ELAVL1: variants seen among roughly 807,000 people sequenced by gnomAD.
ELAVL1 encodes ELAV-like protein 1.
Under a neutral mutation model 28.4 loss-of-function variants are expected in ELAVL1, and 1 was observed. The observed-to-expected ratio is 0.04, with a 90% CI of 0.01 to 0.17. The LOEUF (loss-of-function observed/expected upper bound fraction) is 0.17. ELAVL1 is among the 10% of genes least tolerant of loss of function. The pLI, the probability that ELAVL1 is intolerant of heterozygous loss-of-function variation, is 1.00. For missense variants in ELAVL1, 157 were observed against 447.2 expected, an observed-to-expected ratio of 0.35 and a Z score of 5.85; for synonymous variants, 174 against 183.5, an observed-to-expected ratio of 0.95 and a Z score of 0.42.
chr19:8,001,979 C>T (rs1017350629), intron 1 of ELAVL1: 5 of 1,220,278 alleles, frequency 4.1e-6, no homozygotes, highest in South Asian at 2.5e-5. Context: ...ACTGGTTTCT[C>T]CTTGTCTCCC....
intron 2 of ELAVL1, among the ~76,000 whole-genome samples, chr19:7,987,835 G>A (rs951193064): frequency 4.5e-4 from 68 of 152,220 alleles, no homozygotes; most frequent in African/African-American, 1.6e-3. Context: ...ACCCCACAGT[G>A]CAGGTCGGCC....
At chr19:7,975,422 A>T (rs926277427) in intron 3 of ELAVL1, among the ~76,000 whole-genome samples, 4 of 152,208 alleles carry the variant, frequency 2.6e-5, no homozygotes, top group African/African-American at 9.6e-5. Flanking sequence ...GTCTCCAAGG[A>T]CCATGGGAAC....
intron 4 of ELAVL1, among the ~76,000 whole-genome samples, chr19:7,971,162 T>A (rs567504464): frequency 6.8e-4 from 103 of 152,296 alleles, no homozygotes; most frequent in African/African-American, 2.3e-3. Flanking sequence ...GGAGACACTA[T>A]CTTGCAGAGG....
chr19:7,985,634 C>T (rs1024748245), intron 2 of ELAVL1, among the ~76,000 whole-genome samples: 35 of 152,116 alleles, frequency 2.3e-4, no homozygotes, highest in Non-Finnish European at 4.4e-4. Context: ...CTGCACAGGC[C>T]GTGGTGGGCC....
intron 2 of ELAVL1, among the ~76,000 whole-genome samples, chr19:7,983,666 C>T (rs1236102595): frequency 3.3e-5 from 5 of 152,186 alleles, no homozygotes; most frequent in East Asian, 1.9e-4. Flanking sequence ...TTGGCTGCGG[C>T]GCCTCAGGCA....
At chr19:8,001,604 C>A (rs1352435374) in intron 1 of ELAVL1, among the ~76,000 whole-genome samples, 1 of 152,036 alleles carries the variant, frequency 6.6e-6, no homozygotes, top group African/African-American at 2.4e-5. Flanking sequence ...GATTCCTTCC[C>A]CTGACATAAA....
In ELAVL1 at chr19:7,981,002, G is replaced by T; in HGVS notation, c.276+81C>A. 1 of 1,408,710 alleles carries T rather than the reference G, an allele frequency of 7.1e-7. No homozygotes were observed. The highest frequency in any genetic ancestry group is 1.0e-6 in the Non-Finnish European group (1 of 996,164). The allele number at this position is 1,408,710 out of a possible 1,614,324, so 87.3% of individuals were successfully genotyped here. ...GGCTGTGCTCATAGTCCCTTGGAGA[G>T]TGACTGTGAGGCTGGGCGGGGCTCA... On this transcript the variant is annotated intron_variant, in intron 3 of 5. Coordinates refer to ENST00000407627, the MANE Select transcript of ELAVL1 (RefSeq NM_001419.3). The surrounding 1 kb of genome is among the most constrained non-coding windows in gnomAD (Gnocchi z 4.2).
In ELAVL1 at chr19:7,988,585, G is replaced by C. The variant is rs151084451; in HGVS notation, c.172+3059C>G. Among the ~76,000 whole-genome samples, 4 of 152,310 alleles carry C rather than the reference G, an allele frequency of 2.6e-5. No individual in the cohort carries two copies. The East Asian group carries it at 7.7e-4, about 29-fold the overall frequency. On this transcript the variant is annotated intron_variant, in intron 2 of 5. Coordinates refer to ENST00000407627, the MANE Select transcript of ELAVL1 (RefSeq NM_001419.3). The stretch of plus-strand genomic sequence containing the variant: ...GGAGACAGGGAACAGGACAGTATGT[G>C]GGTGGGAGGCCAACACACACAGCAG...
intron 4 of ELAVL1, chr19:7,972,994 G>GTAAC (rs1171121529): frequency 6.6e-6 from 1 of 150,768 alleles, no homozygotes; most frequent in African/African-American, 2.4e-5. Flanking sequence ...TGTATTTTTA[G>GTAAC]TAGAGATGGG....
At chr19:7,989,318 C>T (rs1056570695) in intron 2 of ELAVL1, among the ~76,000 whole-genome samples, 1 of 152,194 alleles carries the variant, frequency 6.6e-6, no homozygotes. Flanking sequence ...AAGATGAAAG[C>T]CCAGGCCCAG....
intron 1 of ELAVL1, among the ~76,000 whole-genome samples, chr19:8,005,285 G>A (rs143262415): frequency 0.16 from 24,541 of 151,156 alleles, 2,264 homozygotes; most frequent in Non-Finnish European, 0.21. Context: ...GGCGCCAGAG[G>A]AATCCGGCCC....
In ELAVL1 at chr19:7,958,716, C is replaced by G. The variant is rs761316192; in HGVS notation, c.*4767G>C. On this transcript the variant is annotated 3_prime_UTR_variant, in exon 6 of 6. Coordinates refer to ENST00000407627, the MANE Select transcript of ELAVL1 (RefSeq NM_001419.3). ...GTCGTTGGAACTGTAAGCCACGCCC[C>G]AAACCGCATCACTCCGTACTTCAAA... 3.3e-5 allele frequency: 5 copies of G among 152,392 alleles called. No homozygotes were observed. The highest frequency in any genetic ancestry group is 6.5e-5 in the Admixed American group (1 of 15,282). The allele number at this position is 152,392 out of a possible 1,614,324, so 9.4% of individuals were successfully genotyped here. A position where few individuals can be genotyped will look rare whatever the true frequency, so the allele number is the denominator to read the frequency against.
intron 2 of ELAVL1, among the ~76,000 whole-genome samples, chr19:7,985,035 T>C (rs1272252414): frequency 6.6e-6 from 1 of 152,160 alleles, no homozygotes; most frequent in Non-Finnish European, 1.5e-5. Context: ...TGCTCCCACC[T>C]CAGCCCCCCA....
chr19:7,990,289 T>C lies in ELAVL1; in HGVS notation c.172+1355A>G, dbSNP rs192924768. On this transcript the variant is annotated intron_variant, in intron 2 of 5. Transcript: ENST00000407627. ...TGCCTGCCTTGACCTCCCAAAGTGC[T>C]GGGATTATAGGCATGAGCCACCGTG... Among the ~76,000 whole-genome samples, 37 of 152,076 alleles carry C rather than the reference T, an allele frequency of 2.4e-4. No homozygotes were observed. The East Asian group carries it at 6.6e-3, about 27-fold the overall frequency.
intron 2 of ELAVL1, among the ~76,000 whole-genome samples, chr19:7,984,710 T>A (rs576116973): frequency 1.3e-5 from 2 of 152,208 alleles, no homozygotes; most frequent in Non-Finnish European, 2.9e-5. Context: ...CTCTCTGTGG[T>A]AGGTGCCTGG....
chr19:7,972,237 C>T (rs929701237), intron 4 of ELAVL1, among the ~76,000 whole-genome samples: 5 of 152,204 alleles, frequency 3.3e-5, no homozygotes, highest in East Asian at 1.9e-4. Context: ...CAGGGTGGCC[C>T]GAGCTCCCTG....
chr19:7,977,389 C>T (rs1985329589), intron 3 of ELAVL1, among the ~76,000 whole-genome samples: 1 of 152,154 alleles, frequency 6.6e-6, no homozygotes, highest in Non-Finnish European at 1.5e-5. Flanking sequence ...TTCTTCAACC[C>T]GAATCTGGGG....
rs35350359 is a variant in ELAVL1 at position 7,996,183 on chromosome 19, CTT to C, written c.-16-4354_-16-4353del. ...AAGCCACCTCACCCAACCCAGAACC[CTT>C]TTTTTTTTTTTTTTGAAATGGAGTC... On this transcript the variant is annotated intron_variant, in intron 1 of 5. Coordinates refer to ENST00000407627, the MANE Select transcript of ELAVL1 (RefSeq NM_001419.3). Among the ~76,000 whole-genome samples, 205 of 140,986 alleles carry C rather than the reference CTT, an allele frequency of 1.5e-3. 1 individual carries two copies. The highest frequency in any genetic ancestry group is 4.0e-3 in the African/African-American group (153 of 38,462). 92.5% of individuals were successfully genotyped at this position (140,986 alleles called of 152,430 possible).
chr19:7,983,493 C>G (rs566541278), intron 2 of ELAVL1, among the ~76,000 whole-genome samples: 2 of 152,178 alleles, frequency 1.3e-5, no homozygotes, highest in African/African-American at 4.8e-5. Context: ...CCAGAGGGGA[C>G]AGCCTCTGGG....
Sources: allele counts gnomAD v4.1 joint callset (sites outside exome capture counted in the v4.1 genomes callset), GRCh38; gene constraint gnomAD v4.1.1; non-coding constraint Gnocchi (gnomAD v3.1); transcripts MANE v1.5; gene names NCBI Gene and HGNC (gene_info 2026-07-23, HGNC 2026-07-21).